The following FBLN1 variants were observed in gnomAD, a reference collection of about 807,000 sequenced individuals.
FBLN1 encodes the protein fibulin-1.
FBLN1 carries 34 observed loss-of-function variants against 89.7 expected under a neutral mutation model. That is an observed-to-expected ratio of 0.38 (90% CI 0.29 to 0.50). The LOEUF (loss-of-function observed/expected upper bound fraction) is 0.50. FBLN1 is among the 20% of genes least tolerant of loss of function. The pLI, the probability that FBLN1 is intolerant of heterozygous loss-of-function variation, is 0.92. For synonymous variants in FBLN1, 393 were observed against 391.3 expected (o/e 1.00, Z -0.05); for missense variants, 777 against 988.1 (o/e 0.79, Z 2.86).
chr22:45,510,656 A>G (rs890625083), intron 1 of FBLN1, among the ~76,000 whole-genome samples: 1 of 152,078 alleles, frequency 6.6e-6, no homozygotes, highest in Non-Finnish European at 1.5e-5. Context: ...GCTTCCACCC[A>G]AGGAGTGGTA....
chr22:45,541,492 A>G lies in FBLN1; in HGVS notation c.1066+120A>G. ...CAAAGCCATTTCTATCAGCCCATCC[A>G]TCCCACTGTCAGTTCCCAAGCATGG... On this transcript the variant is annotated intron_variant, in intron 9 of 16. Coordinates refer to ENST00000327858, the MANE Select transcript of FBLN1 (RefSeq NM_006486.3). 5.4e-6 allele frequency: 7 copies of G among 1,304,876 alleles called. No individual in the cohort carries two copies. In the South Asian group the frequency reaches 8.8e-5, roughly 16 times the overall value. The allele number at this position is 1,304,876 out of a possible 1,614,324, so 80.8% of individuals were successfully genotyped here.
rs1459780069 is a variant in FBLN1 at position 45,581,351 on chromosome 22, C to T, written c.1972+4243C>T. Among the ~76,000 whole-genome samples, 1 of 152,042 alleles carries T rather than the reference C, an allele frequency of 6.6e-6. No homozygotes were observed. The highest frequency in any genetic ancestry group is 1.5e-5 in the Non-Finnish European group (1 of 68,014). ...TGTCTGTCTGGCTCCCTCCACTCAG[C>T]CTCAAGACCCAGCATGTGTGTGACC... is the stretch of plus-strand genomic sequence containing the variant. On this transcript the variant is annotated intron_variant, in intron 16 of 16. Coordinates refer to ENST00000327858, the MANE Select transcript of FBLN1 (RefSeq NM_006486.3). The surrounding 1 kb of genome is among the most constrained non-coding windows in gnomAD (Gnocchi z 7.6).
chr22:45,574,172 T>C lies in FBLN1; in HGVS notation c.1698-339T>C, dbSNP rs2088974224. Among the ~76,000 whole-genome samples the C allele has an allele frequency of 6.6e-6, 1 of 152,192 alleles. No individual in the cohort carries two copies. The highest frequency in any genetic ancestry group is 2.4e-5 in the African/African-American group (1 of 41,456). On this transcript the variant is annotated intron_variant, in intron 14 of 16. Transcript: ENST00000327858. The surrounding 1 kb of genome is among the most constrained non-coding windows in gnomAD (Gnocchi z 4.1). ...GCCGGCGCCTGGCACTCAAAACATA[T>C]TTGTTGGGCAAGTGAACCTGTGACT...
chr22:45,588,731 C>T lies in FBLN1; in HGVS notation c.1973-11576C>T, dbSNP rs1038255978. 6.6e-6 allele frequency among the ~76,000 whole-genome samples: 1 copy of T among 151,812 alleles called. No individual in the cohort carries two copies. Among genetic ancestry groups the T allele is most frequent in the African/African-American group, 2.4e-5 (1 of 41,234 alleles). On this transcript the variant is annotated intron_variant, in intron 16 of 16. Transcript: ENST00000327858. The surrounding 1 kb of genome is among the most constrained non-coding windows in gnomAD (Gnocchi z 5.1). ...ACCTTCTGAAAAGCCTTTAATATCA[C>T]CGGGCACATTCATAAATTATTCTTT...
intron 1 of FBLN1, chr22:45,503,371 A>C (rs2087974256): frequency 5.0e-6 from 1 of 200,290 alleles, no homozygotes; most frequent in South Asian, 1.9e-4. Flanking sequence ...CTGGGGGTTC[A>C]GGGGCGCTAG....
At chr22:45,566,852 G>A (rs2147018031) in intron 14 of FBLN1, among the ~76,000 whole-genome samples, 1 of 152,298 alleles carries the variant, frequency 6.6e-6, no homozygotes, top group Non-Finnish European at 1.5e-5. Flanking sequence ...AGCTCCCAAG[G>A]AGAAAAGACA....
rs867531870 is a variant in FBLN1 at position 45,546,942 on chromosome 22, C to T, written c.1322-143C>T. The T allele has an allele frequency of 7.0e-5, 94 of 1,336,958 alleles. No individual in the cohort carries two copies. The Middle Eastern group carries it at 3.9e-3, about 56-fold the overall frequency. 82.8% of individuals were successfully genotyped at this position (1,336,958 alleles called of 1,614,324 possible). A position where few individuals can be genotyped will look rare whatever the true frequency, so the allele number is the denominator to read the frequency against. On this transcript the variant is annotated intron_variant, in intron 11 of 16. Transcript: ENST00000327858. The stretch of plus-strand genomic sequence containing the variant: ...CCAGCGATGACGCCTCTCCCTCGGC[C>T]ACACCCCCCGGGACCTCTGTCTCTC...
In FBLN1 at chr22:45,562,037, T is replaced by C. The variant is rs187846934; in HGVS notation, c.1697+11422T>C. Among the ~76,000 whole-genome samples the C allele has an allele frequency of 3.1e-4, 47 of 152,296 alleles. No individual in the cohort carries two copies. Among genetic ancestry groups the C allele is most frequent in the African/African-American group, 9.1e-4 (38 of 41,562 alleles). On this transcript the variant is annotated intron_variant, in intron 14 of 16. Coordinates refer to ENST00000327858, the MANE Select transcript of FBLN1 (RefSeq NM_006486.3). The surrounding 1 kb of genome is among the most constrained non-coding windows in gnomAD (Gnocchi z 7.8). ...GCCCACTGACTCAAATGTGACTCTC[T>C]TTTGGCAACACCCTCACAGACACAC...
At chr22:45,589,088 A>T (rs2089113545) in intron 16 of FBLN1, among the ~76,000 whole-genome samples, 2 of 146,194 alleles carry the variant, frequency 1.4e-5, no homozygotes, top group African/African-American at 5.1e-5. Flanking sequence ...AATATTTTTT[A>T]TATATATAAA....
rs2088612179 is a variant in FBLN1, at chr22:45,545,294, T to C, written c.1321+1768T>C. ...TAACTCAGTCTTTCCTGGGCCATGG[T>C]GTCCTCATCTGTAAAACGGGCATAG... On this transcript the variant is annotated intron_variant, in intron 11 of 16. Transcript: ENST00000327858. This position sits in a 1 kb window ranked among gnomAD's most constrained non-coding sequence, Gnocchi z 5.9. Among the ~76,000 whole-genome samples the C allele has an allele frequency of 2.0e-5, 3 of 152,170 alleles. No homozygotes were observed. The highest frequency in any genetic ancestry group is 7.2e-5 in the African/African-American group (3 of 41,426).
intron 2 of FBLN1, among the ~76,000 whole-genome samples, chr22:45,519,782 G>GCTGGGGAGGTGGACCAAC (rs1418601777): frequency 3.3e-5 from 5 of 152,198 alleles, no homozygotes; most frequent in Non-Finnish European, 7.3e-5. Context: ...AAGGACAAGG[G>GCTGGGGAGGTGGACCAAC]CTGGGGAGGT....
At position 45,590,587 on chromosome 22, in the gene FBLN1, G is replaced by C. The variant is rs1478862812; in HGVS notation, c.1973-9720G>C. 6.6e-6 allele frequency among the ~76,000 whole-genome samples: 1 copy of C among 152,216 alleles called. No individual in the cohort carries two copies. Among genetic ancestry groups the C allele is most frequent in the East Asian group, 1.9e-4 (1 of 5,192 alleles). On this transcript the variant is annotated intron_variant, in intron 16 of 16. Transcript: ENST00000327858. The surrounding 1 kb of genome is among the most constrained non-coding windows in gnomAD (Gnocchi z 4.1). ...CTCTGAGCACAGTGGGAAGAGGCATGGGAGGGGTGAAAAGGAAGGTGGTAC... is the reference window on the plus strand; with the variant it reads ...CTCTGAGCACAGTGGGAAGAGGCATCGGAGGGGTGAAAAGGAAGGTGGTAC...
At chr22:45,547,614 G>C (rs1367545868) in intron 12 of FBLN1, among the ~76,000 whole-genome samples, 3 of 151,774 alleles carry the variant, frequency 2.0e-5, no homozygotes, top group Non-Finnish European at 4.4e-5. Flanking sequence ...TGCCCAGGCT[G>C]GTCTCGAACT....
rs544700609 is a variant in FBLN1, at chr22:45,596,565, G to A, written c.1973-3742G>A. On this transcript the variant is annotated intron_variant, in intron 16 of 16. Transcript: ENST00000327858. ...TATAAATATATCAACATAAGAATAT[G>A]ATAATTATATATACATATATCAACA... 3.4e-3 allele frequency among the ~76,000 whole-genome samples: 432 copies of A among 126,430 alleles called. 1 individual carries two copies. The highest frequency in any genetic ancestry group is 0.017 in the African/African-American group (405 of 23,996). 82.9% of individuals were successfully genotyped at this position (126,430 alleles called of 152,430 possible).
In FBLN1 at chr22:45,583,438, T is replaced by G. The variant is rs1004285139; in HGVS notation, c.1972+6330T>G. ...TACATTTAGGAAGGAAACGCCCTAA[T>G]TGGAGACTCTGCATCTCATTAATGG... On this transcript the variant is annotated intron_variant, in intron 16 of 16. Transcript: ENST00000327858. This position sits in a 1 kb window ranked among gnomAD's most constrained non-coding sequence, Gnocchi z 4.5. Among the ~76,000 whole-genome samples the G allele has an allele frequency of 1.3e-5, 2 of 152,226 alleles. No individual in the cohort carries two copies. The highest frequency in any genetic ancestry group is 2.9e-5 in the Non-Finnish European group (2 of 68,034).
chr22:45,537,090 T>G lies in FBLN1; in HGVS notation c.922+1753T>G, dbSNP rs2088492433. Among the ~76,000 whole-genome samples, 1 of 152,180 alleles carries G rather than the reference T, an allele frequency of 6.6e-6. No individual in the cohort carries two copies. Among genetic ancestry groups the G allele is most frequent in the African/African-American group, 2.4e-5 (1 of 41,444 alleles). ...GTCCTGCCTTTGAGGTCAGAGAGAC[T>G]TTTTAGGAGAAGAGGTGAGGAATCC... is the stretch of plus-strand genomic sequence containing the variant. On this transcript the variant is annotated intron_variant, in intron 8 of 16. Coordinates refer to ENST00000327858, the MANE Select transcript of FBLN1 (RefSeq NM_006486.3). The surrounding 1 kb of genome is among the most constrained non-coding windows in gnomAD (Gnocchi z 5.7).
chr22:45,523,704 A>AAAAAC (rs936583244), intron 2 of FBLN1, among the ~76,000 whole-genome samples: 13 of 152,242 alleles, frequency 8.5e-5, no homozygotes, highest in East Asian at 1.9e-4. Flanking sequence ...ACTCCATCTC[A>AAAAAC]AAAACAAAAC....
chr22:45,560,215 C>A (rs192481608), intron 14 of FBLN1, among the ~76,000 whole-genome samples: 10 of 152,336 alleles, frequency 6.6e-5, no homozygotes, highest in African/African-American at 2.4e-4. Context: ...GCCACTGCCA[C>A]CTCAGGATCC....
rs2088480436 is a variant in FBLN1, at chr22:45,536,206, G to A, written c.922+869G>A. Among the ~76,000 whole-genome samples the A allele has an allele frequency of 6.6e-6, 1 of 152,008 alleles. No individual in the cohort carries two copies. The highest frequency in any genetic ancestry group is 2.4e-5 in the African/African-American group (1 of 41,406). ...AAATAAAATATAAAAATAAAAAACAGTCTGTGTTAGTATTTGAATTCATAG... is the reference window on the plus strand; with the variant it reads ...AAATAAAATATAAAAATAAAAAACAATCTGTGTTAGTATTTGAATTCATAG... On this transcript the variant is annotated intron_variant, in intron 8 of 16. Transcript: ENST00000327858. This position sits in a 1 kb window ranked among gnomAD's most constrained non-coding sequence, Gnocchi z 5.1.
Sources: gnomAD v4.1 joint callset for allele counts (sites outside exome capture counted in the v4.1 genomes callset) on GRCh38, gnomAD v4.1.1 for gene constraint, Gnocchi (gnomAD v3.1) non-coding constraint, MANE v1.5 for transcripts, NCBI Gene and HGNC (gene_info 2026-07-23, HGNC 2026-07-21) for gene names.